Variants in MADD observed in about 807,000 individuals in gnomAD.
MADD encodes MAP kinase activating death domain, also known as MAP kinase-activating death domain protein.
In MADD, 109 loss-of-function variants were observed where a neutral mutation model predicts 176.7. That is an observed-to-expected ratio of 0.62 (90% CI 0.53 to 0.72). The LOEUF is 0.72. MADD is among the 30% of genes least tolerant of loss of function. The pLI, the probability that MADD is intolerant of heterozygous loss-of-function variation, is 0.00. For synonymous variants in MADD, 771 were observed against 771.3 expected, an observed-to-expected ratio of 1.00 and a Z score of 0.01; for missense variants, 1,914 against 2,045.5, an observed-to-expected ratio of 0.94 and a Z score of 1.24.
intron 19 of MADD, among the ~76,000 whole-genome samples, chr11:47,291,542 C>CATATGAG (rs1316769503): frequency 6.6e-6 from 1 of 152,122 alleles, no homozygotes. Context: ...ATTGCCATGG[C>CATATGAG]CATTAGCAGT....
intron 27 of MADD, among the ~76,000 whole-genome samples, chr11:47,317,901 C>G (rs189687575): frequency 2.0e-5 from 3 of 152,128 alleles, no homozygotes; most frequent in African/African-American, 4.8e-5. Flanking sequence ...TCCCAAGTAG[C>G]TGGGTTTACA....
chr11:47,299,179 AG>A (rs764220284), intron 22 of MADD, among the ~76,000 whole-genome samples: 4 of 152,056 alleles, frequency 2.6e-5, no homozygotes, highest in Non-Finnish European at 5.9e-5. Flanking sequence ...TATGAATTTT[AG>A]GATTTTTTTT....
intron 26 of MADD, among the ~76,000 whole-genome samples, chr11:47,313,596 GAT>G (rs929086006): frequency 6.6e-6 from 1 of 152,010 alleles, no homozygotes; most frequent in Admixed American, 6.6e-5. Context: ...AAAGTTCTAG[GAT>G]TACAGGCACC....
chr11:47,298,666 T>C (rs901869207), intron 22 of MADD, among the ~76,000 whole-genome samples: 2 of 152,236 alleles, frequency 1.3e-5, no homozygotes, highest in Non-Finnish European at 2.9e-5. Flanking sequence ...TCCTTTGTTG[T>C]GTAGAAGCTT....
rs557649529 is a variant in MADD at position 47,320,924 on chromosome 11, A to AAAT, written c.4198-2728_4198-2726dup. Reference sequence around the variant, plus strand: ...TGACAGAGCAAAACCCTGTCTCAAAAAATAATAATAATAATAATAATTGCT... The same window carrying AAAT: ...TGACAGAGCAAAACCCTGTCTCAAAAAATAATAATAATAATAATAATAATTGCT... On this transcript the variant is annotated intron_variant, in intron 27 of 32. Coordinates refer to ENST00000402192, the Ensembl canonical transcript of MADD. 7.5e-3 allele frequency among the ~76,000 whole-genome samples: 1,147 copies of AAAT among 152,022 alleles called. 20 individuals carry two copies. The highest frequency in any genetic ancestry group is 0.025 in the African/African-American group (1,026 of 41,462).
intron 19 of MADD, chr11:47,292,546 T>G (rs1190363958): frequency 7.2e-5 from 117 of 1,613,804 alleles, no homozygotes; most frequent in Non-Finnish European, 9.7e-5. Context: ...GGGGTAGAAT[T>G]GTGGAACAAG....
intron 22 of MADD, among the ~76,000 whole-genome samples, chr11:47,297,794 T>C (rs1423548848): frequency 1.4e-5 from 2 of 146,086 alleles, no homozygotes; most frequent in African/African-American, 5.0e-5. Context: ...TCTTTCTTTT[T>C]TTTTTTTTTT....
At chr11:47,285,611 C>G (rs558407899) in intron 14 of MADD, 21 bp downstream of exon 14, 26 of 1,613,616 alleles carry the variant, frequency 1.6e-5, no homozygotes, top group African/African-American at 2.7e-5. Context: ...TCAGCTGTCT[C>G]TCTCACTCCT....
intron 20 of MADD, among the ~76,000 whole-genome samples, chr11:47,294,391 C>G (rs59145457): frequency 6.7e-6 from 1 of 150,258 alleles, no homozygotes; most frequent in Admixed American, 6.6e-5. Flanking sequence ...TAGCCAGGTG[C>G]GGTGGTTCAT....
rs779138951 is a variant in MADD, at chr11:47,290,609, G to C, written c.3095-1G>C. 6.2e-7 allele frequency: 1 copy of C among 1,612,448 alleles called. No homozygotes were observed. The stretch of plus-strand genomic sequence containing the variant: ...TTGACCTCTTGATATTTTTCCCTCA[G>C]AACCAGACAAGCGGAAGAGAAGTCC... On this transcript the variant is annotated splice_acceptor_variant, in intron 18 of 32. Transcript: ENST00000402192. LOFTEE classifies it high-confidence loss of function.
chr11:47,315,106 A>G, intron 26 of MADD, 114 bp from the exon 30 acceptor site: 5 of 597,002 alleles, frequency 8.4e-6, no homozygotes, highest in Non-Finnish European at 1.5e-5. Context: ...TGGCCAGCAG[A>G]TGAGACTGTG....
chr11:47,309,092 A>T (rs1295180603), intron 23 of MADD, 50 bp downstream of exon 26: 1 of 1,599,946 alleles, frequency 6.3e-7, no homozygotes, highest in African/African-American at 1.3e-5. Context: ...CTTGGGAGGG[A>T]CTGGGCCTTA....
intron 27 of MADD, among the ~76,000 whole-genome samples, chr11:47,316,675 C>T (rs564545974): frequency 6.6e-6 from 1 of 152,206 alleles, no homozygotes; most frequent in East Asian, 1.9e-4. Flanking sequence ...AGGCGTGAGC[C>T]GGTGCACCCG....
intron 15 of MADD, among the ~76,000 whole-genome samples, chr11:47,287,624 G>A (rs755036047): frequency 6.6e-6 from 1 of 152,008 alleles, no homozygotes; most frequent in Non-Finnish European, 1.5e-5. Context: ...TGGCCAGGCT[G>A]GTCTTGAACT....
At chr11:47,295,403 T>A in intron 20 of MADD, 93 bp from the exon 23 acceptor site, 2 of 966,474 alleles carry the variant, frequency 2.1e-6, no homozygotes, top group Non-Finnish European at 3.3e-6. Context: ...AACAGAAGGG[T>A]GGGGATGAGG....
chr11:47,277,169 C>T (rs1222683090), intron 5 of MADD, among the ~76,000 whole-genome samples: 1 of 152,226 alleles, frequency 6.6e-6, no homozygotes, highest in African/African-American at 2.4e-5. Flanking sequence ...CCAGTGGATG[C>T]CTCAAACCAC....
At chr11:47,309,078 C>A in intron 23 of MADD, 36 bp downstream of exon 26, 1 of 1,610,916 alleles carries the variant, frequency 6.2e-7, no homozygotes, top group South Asian at 1.1e-5. Context: ...GTTCATCCCT[C>A]CTCCTTGGGA....
intron 21 of MADD, 32 bp from the exon 24 acceptor site, chr11:47,295,865 G>T (rs1308899236): frequency 1.3e-6 from 2 of 1,592,750 alleles, no homozygotes; most frequent in Non-Finnish European, 1.7e-6. Flanking sequence ...CATCCCTGGG[G>T]ACTGTCTCTT....
At chr11:47,278,808 TAA>T (rs530195598) in intron 6 of MADD, among the ~76,000 whole-genome samples, 189 bp from the exon 7 acceptor site, 5 of 152,292 alleles carry the variant, frequency 3.3e-5, no homozygotes, top group East Asian at 3.9e-4. Context: ...CCAATAACAT[TAA>T]GTTATATTTC....
Sources: allele counts gnomAD v4.1 joint callset (sites outside exome capture counted in the v4.1 genomes callset), GRCh38; gene constraint gnomAD v4.1.1; transcripts MANE v1.5; gene names NCBI Gene and HGNC (gene_info 2026-07-23, HGNC 2026-07-21).